Variants in PTPA observed in about 807,000 individuals in gnomAD.
PTPA encodes the protein serine/threonine-protein phosphatase 2A activator.
PTPA carries 13 observed loss-of-function variants against 43.6 expected under a neutral mutation model. That is an observed-to-expected ratio of 0.30 (90% confidence interval 0.19 to 0.47). The LOEUF (loss-of-function observed/expected upper bound fraction) is 0.47. Among genes scored for constraint, PTPA ranks in the 20% least tolerant of loss-of-function variants. The pLI, the probability that PTPA is intolerant of heterozygous loss-of-function variation, is 0.99. For missense variants in PTPA, 329 were observed against 411.9 expected (o/e 0.80, Z 1.74); for synonymous variants, 172 against 158.2 (o/e 1.09, Z -0.66).
rs1588520687 is a variant in PTPA at position 129,136,646 on chromosome 9, C to G, written c.685+51C>G. The G allele has an allele frequency of 4.5e-6, 7 of 1,547,796 alleles. No individual in the cohort carries two copies. The East Asian group carries it at 1.6e-4, about 36-fold the overall frequency. On this transcript the variant is annotated intron_variant, in intron 7 of 9. Coordinates refer to ENST00000393370, the MANE Select transcript of PTPA (RefSeq NM_178000.3). ...CTCCACCCCCAACCAAGGCTGCGTT[C>G]TGTGGCCCTCCCCTGCCCCTCCTGC...
intron 3 of PTPA, among the ~76,000 whole-genome samples, chr9:129,128,301 C>G (rs761681909): frequency 1.3e-5 from 2 of 152,072 alleles, no homozygotes; most frequent in Non-Finnish European, 2.9e-5. Flanking sequence ...TTTGGGAGGC[C>G]GATGCAGGTG....
intron 1 of PTPA, 29 bp downstream of exon 1, chr9:129,111,660 G>A: frequency 7.8e-7 from 1 of 1,278,082 alleles, no homozygotes; most frequent in Middle Eastern, 2.4e-4. Flanking sequence ...GGCCGGGCCG[G>A]GGTCGGGTAG....
At chr9:129,125,161 AATTAAAGGGGAAGGTTGTAATTACCCC>A (rs1849495494) in intron 3 of PTPA, among the ~76,000 whole-genome samples, 1 of 152,100 alleles carries the variant, frequency 6.6e-6, no homozygotes, top group Non-Finnish European at 1.5e-5. Flanking sequence ...GAGGAAGGCT[AATTAAAGGGGAAGGTTGTAATTACCCC>A]AGCAAATCCT....
chr9:129,144,336 T>C (rs1431497013), intron 9 of PTPA, among the ~76,000 whole-genome samples: 1 of 151,634 alleles, frequency 6.6e-6, no homozygotes, highest in Admixed American at 6.6e-5. Flanking sequence ...ATGGGGGAGC[T>C]CTCTAGTAAT....
Position 129,147,368 on chromosome 9 carries a change from A to C in PTPA, c.895-19A>C. 1 of 1,613,048 alleles carries C rather than the reference A, an allele frequency of 6.2e-7. No homozygotes were observed. The highest frequency in any genetic ancestry group is 8.5e-7 in the Non-Finnish European group (1 of 1,179,304). On this transcript the variant is annotated intron_variant, in intron 9 of 9. Coordinates refer to ENST00000393370, the MANE Select transcript of PTPA (RefSeq NM_178000.3). ...TGGTGTGGCCCTCACCACTCTGCTCACCTGCTCCTTCCTCACAGTGCCTGG... is the reference window on the plus strand; with the variant it reads ...TGGTGTGGCCCTCACCACTCTGCTCCCCTGCTCCTTCCTCACAGTGCCTGG...
chr9:129,146,834 C>G (rs1363003619), intron 9 of PTPA, among the ~76,000 whole-genome samples: 2 of 152,178 alleles, frequency 1.3e-5, no homozygotes, highest in Non-Finnish European at 2.9e-5. Flanking sequence ...GTTCAGCGCT[C>G]TTTTTCCCCT....
At chr9:129,122,407 G>T (rs1480934487) in intron 2 of PTPA, among the ~76,000 whole-genome samples, 4 of 152,162 alleles carry the variant, frequency 2.6e-5, no homozygotes, top group African/African-American at 9.6e-5. Context: ...CTGACCCTCA[G>T]TGCTTTCTTA....
At chr9:129,144,295 CAA>C (rs1295609940) in intron 9 of PTPA, among the ~76,000 whole-genome samples, 1 of 151,884 alleles carries the variant, frequency 6.6e-6, no homozygotes, top group Admixed American at 6.6e-5. Flanking sequence ...GTGGCAAACA[CAA>C]AGAGGACACT....
chr9:129,125,876 C>T (rs1051030838), intron 3 of PTPA, among the ~76,000 whole-genome samples: 7 of 152,188 alleles, frequency 4.6e-5, no homozygotes, highest in Non-Finnish European at 7.3e-5. Context: ...TGGCTGGGCG[C>T]GGTGGCTCAT....
intron 4 of PTPA, among the ~76,000 whole-genome samples, chr9:129,131,143 A>G (rs533034534): frequency 9.2e-5 from 14 of 152,298 alleles, no homozygotes; most frequent in Non-Finnish European, 1.6e-4. Context: ...TTGATGGCAC[A>G]TGACACCAGC....
intron 2 of PTPA, among the ~76,000 whole-genome samples, chr9:129,122,764 C>T (rs1474335946): frequency 6.6e-6 from 1 of 152,194 alleles, no homozygotes; most frequent in Non-Finnish European, 1.5e-5. Flanking sequence ...CAGTGTCTAC[C>T]TTATAGGGCT....
At chr9:129,145,565 C>T (rs1851241254) in intron 9 of PTPA, among the ~76,000 whole-genome samples, 1 of 152,146 alleles carries the variant, frequency 6.6e-6, no homozygotes, top group Non-Finnish European at 1.5e-5. Context: ...GGTCTCCAGT[C>T]AGAACTGGTT....
At chr9:129,111,783 A>C in intron 1 of PTPA, 152 bp downstream of exon 1, 3 of 1,101,368 alleles carry the variant, frequency 2.7e-6, no homozygotes, top group Non-Finnish European at 2.2e-6. Flanking sequence ...GAATGGCCTT[A>C]GGGGAGAGGT....
At chr9:129,122,957 C>T (rs192550784) in intron 2 of PTPA, 95 bp from the exon 3 acceptor site, 43 of 919,358 alleles carry the variant, frequency 4.7e-5, no homozygotes, top group African/African-American at 3.8e-4. Flanking sequence ...GTAGAAAGCT[C>T]GGAGCTCTTT....
At chr9:129,136,624 C>T (rs1343791909) in intron 7 of PTPA, 29 bp downstream of exon 7, 2 of 1,582,474 alleles carry the variant, frequency 1.3e-6, no homozygotes, top group South Asian at 2.3e-5. Flanking sequence ...CCTATCCCTC[C>T]ACCCCCAACC....
At chr9:129,142,681 GC>G in intron 9 of PTPA, 129 bp downstream of exon 9, 3 of 1,547,892 alleles carry the variant, frequency 1.9e-6, no homozygotes, top group Non-Finnish European at 1.7e-6. Flanking sequence ...TGAATCTTAG[GC>G]CAGCCCCTCT....
chr9:129,142,638 G>T (rs553983188), intron 9 of PTPA, 86 bp downstream of exon 9: 2 of 1,573,418 alleles, frequency 1.3e-6, no homozygotes, highest in Non-Finnish European at 8.6e-7. Context: ...GGAACCTGGG[G>T]CTCCTGCTTC....
rs980486162 is a variant in PTPA, at chr9:129,111,813, G to C, written c.31+182G>C. 3.3e-6 allele frequency: 4 copies of C among 1,229,040 alleles called. No homozygotes were observed. The African/African-American group carries it at 6.2e-5, about 19-fold the overall frequency. The allele number at this position is 1,229,040 out of a possible 1,614,324, so 76.1% of individuals were successfully genotyped here. ...AGAGGTGGGTGGTGGGGCGCCGCTGGGGAGGGAACCAGGGGCTGCAAAGGG... is the reference window on the plus strand; with the variant it reads ...AGAGGTGGGTGGTGGGGCGCCGCTGCGGAGGGAACCAGGGGCTGCAAAGGG... On this transcript the variant is annotated intron_variant, in intron 1 of 9. Coordinates refer to ENST00000393370, the MANE Select transcript of PTPA (RefSeq NM_178000.3).
chr9:129,146,292 A>T (rs1232320638), intron 9 of PTPA, among the ~76,000 whole-genome samples: 1 of 151,486 alleles, frequency 6.6e-6, no homozygotes, highest in East Asian at 1.9e-4. Context: ...TCCCCACCCC[A>T]CCATGAGCTT....
Sources: allele counts gnomAD v4.1 joint callset (sites outside exome capture counted in the v4.1 genomes callset), GRCh38; gene constraint gnomAD v4.1.1; transcripts MANE v1.5; gene names NCBI Gene and HGNC (gene_info 2026-07-23, HGNC 2026-07-21).